Variants in URI1 observed in about 807,000 individuals in gnomAD.
URI1 encodes URI1 prefoldin like chaperone, also known as unconventional prefoldin RPB5 interactor 1.
Under a neutral mutation model 60.2 loss-of-function variants are expected in URI1, and 39 were observed. That is an observed-to-expected ratio of 0.65 (90% CI 0.50 to 0.85). URI1 has a LOEUF of 0.85. Ranked by LOEUF, URI1 falls within the 40% of genes least tolerant of loss-of-function variation. The pLI, the probability that URI1 is intolerant of heterozygous loss-of-function variation, is 0.00. For missense variants in URI1, 691 were observed against 665.9 expected, an observed-to-expected ratio of 1.04 and a Z score of -0.42; for synonymous variants, 251 against 236.8, an observed-to-expected ratio of 1.06 and a Z score of -0.55.
At position 29,994,422 on chromosome 19, in the gene URI1, C is replaced by A. The variant is rs560226551; in HGVS notation, c.367+8005C>A. Reference sequence around the variant, plus strand: ...CTGTACCAGTTAGGTGATAACTCCCCATTTTTTCCTTCCTCCCCCCATCCC... The same window carrying A: ...CTGTACCAGTTAGGTGATAACTCCCAATTTTTTCCTTCCTCCCCCCATCCC... On this transcript the variant is annotated intron_variant, in intron 4 of 10. Coordinates refer to ENST00000392271, the MANE Select transcript of URI1 (RefSeq NM_003796.3). 2.6e-5 allele frequency among the ~76,000 whole-genome samples: 4 copies of A among 152,088 alleles called. No homozygotes were observed. The East Asian group carries it at 7.7e-4, about 29-fold the overall frequency.
rs1237982024 is a variant in URI1 at position 30,007,632 on chromosome 19, T to A, written c.680T>A (p.Leu227His). 6.2e-7 allele frequency: 1 copy of A among 1,604,734 alleles called. No individual in the cohort carries two copies. The highest frequency in any genetic ancestry group is 1.7e-5 in the Admixed American group (1 of 58,216). ...AGACAGGAAGAATTGCTGGGTGAAC[T>A]TGATAGGTACTTGATGACAAATTAT... is the stretch of plus-strand genomic sequence containing the variant. ...LERQEELLGE[L>H]DSKPDTVIAN... is the part of the protein sequence containing the mutation. Residue 227 changes from leucine to histidine, a missense_variant, in exon 7 of 11, where the codon CTT becomes CAT. Leu to His is a moderately conservative substitution (Grantham distance 99). Coordinates refer to ENST00000392271, the MANE Select transcript of URI1 (RefSeq NM_003796.3).
intron 1 of URI1, among the ~76,000 whole-genome samples, chr19:29,958,264 C>T (rs1252528895): frequency 1.3e-5 from 2 of 151,878 alleles, no homozygotes; most frequent in African/African-American, 4.8e-5. Flanking sequence ...GGGCTAGAAC[C>T]TTTAATATAA....
intron 1 of URI1, 47 bp downstream of exon 1, chr19:29,942,711 C>T (rs117820971): frequency 0.054 from 72,987 of 1,354,620 alleles, 2,893 homozygotes; most frequent in East Asian, 0.18. Context: ...GCCGGGCTGC[C>T]CCTGCCTGTG....
chr19:29,972,523 A>G (rs1244134771), intron 2 of URI1, among the ~76,000 whole-genome samples: 2 of 152,102 alleles, frequency 1.3e-5, no homozygotes, highest in Non-Finnish European at 2.9e-5. Flanking sequence ...TTAGAAAGGT[A>G]TTCACTGGAA....
At chr19:29,995,661 T>C (rs1388604647) in intron 4 of URI1, among the ~76,000 whole-genome samples, 4 of 152,122 alleles carry the variant, frequency 2.6e-5, no homozygotes, top group African/African-American at 7.2e-5. Context: ...TTTTTGTTTT[T>C]GCCTATGCTT....
rs2056031743 is a variant in URI1, at chr19:30,012,343, C to T, written c.1237C>T (p.Arg413Ter). The T allele has an allele frequency of 1.2e-6, 2 of 1,614,076 alleles. No individual in the cohort carries two copies. The highest frequency in any genetic ancestry group is 1.1e-5 in the South Asian group (1 of 91,074). Reference sequence around the variant, plus strand: ...CCCTCGCAAATCCATCCTGAAGTCTCGAAGTAGAGAGAATAGTGTGTGTAG... The same window carrying T: ...CCCTCGCAAATCCATCCTGAAGTCTTGAAGTAGAGAGAATAGTGTGTGTAG... ...YVPRKSILKS[R>*]SRENSVCSDT... The change falls in exon 10 of 11, where the codon CGA becomes TGA. Residue 413 changes from arginine to a stop codon, truncating the protein, a stop_gained. Coordinates refer to ENST00000392271, the MANE Select transcript of URI1 (RefSeq NM_003796.3). LOFTEE classifies it high-confidence loss of function.
At chr19:30,011,388 C>T (rs570498289) in intron 9 of URI1, 152 bp downstream of exon 9, 4 of 1,002,558 alleles carry the variant, frequency 4.0e-6, no homozygotes, top group East Asian at 3.2e-5. Flanking sequence ...GATAGGCTGA[C>T]CGGCTGTAGC....
Position 29,980,585 on chromosome 19 carries a change from A to G in URI1, c.153-4638A>G, listed in dbSNP as rs184044173. On this transcript the variant is annotated intron_variant, in intron 2 of 10. Coordinates refer to ENST00000392271, the MANE Select transcript of URI1 (RefSeq NM_003796.3). ...CTGTTTAGGATGTTAGGTAGAGGAA[A>G]AGAGAGTGATAGAAGATTTTTTTTC... Among the ~76,000 whole-genome samples the G allele has an allele frequency of 9.0e-4, 128 of 142,614 alleles. 3 individuals carry two copies. The highest frequency in any genetic ancestry group is 3.3e-3 in the African/African-American group (127 of 38,808). The allele number at this position is 142,614 out of a possible 152,430, so 93.6% of individuals were successfully genotyped here.
Position 29,942,284 on chromosome 19 carries a change from C to G in URI1, c.-264C>G, listed in dbSNP as rs1163089089. ...CACGCGACGCCTGGCTGGGCCCGCACCGGAGAGGCGTCTCGGTACCTGGCA... is the reference window on the plus strand; with the variant it reads ...CACGCGACGCCTGGCTGGGCCCGCAGCGGAGAGGCGTCTCGGTACCTGGCA... On this transcript the variant is annotated 5_prime_UTR_variant, in exon 1 of 11. Transcript: ENST00000392271. 5.1e-6 allele frequency: 5 copies of G among 985,028 alleles called. No individual in the cohort carries two copies. In the African/African-American group the frequency reaches 7.0e-5, roughly 14 times the overall value. 61.0% of individuals were successfully genotyped at this position (985,028 alleles called of 1,614,324 possible). A position where few individuals can be genotyped will look rare whatever the true frequency, so the allele number is the denominator to read the frequency against.
chr19:29,982,646 T>C (rs956671983), intron 2 of URI1, among the ~76,000 whole-genome samples: 1 of 152,222 alleles, frequency 6.6e-6, no homozygotes. Flanking sequence ...ATTCTCCCAT[T>C]GATTGCTCAC....
chr19:30,006,655 A>G (rs559039662), intron 6 of URI1, among the ~76,000 whole-genome samples: 23 of 152,266 alleles, frequency 1.5e-4, no homozygotes, highest in Admixed American at 2.6e-4. Context: ...GTATGCAACA[A>G]TGCAGCAAAT....
At chr19:29,927,559 G>GTTTTTTTT (rs1172546783) in intron 1 of URI1, among the ~76,000 whole-genome samples, 2 of 86,496 alleles carry the variant, frequency 2.3e-5, no homozygotes, top group African/African-American at 1.2e-4. Context: ...ACTGCACCCG[G>GTTTTTTTT]CTTTTTTTTT....
intron 1 of URI1, among the ~76,000 whole-genome samples, chr19:29,949,150 G>T (rs1319950701): frequency 6.6e-6 from 1 of 151,388 alleles, no homozygotes; most frequent in Non-Finnish European, 1.5e-5. Flanking sequence ...TCACCTCCCA[G>T]ATGGGGCGGC....
chr19:29,992,666 A>AG (rs2055761602), intron 4 of URI1, among the ~76,000 whole-genome samples: 1 of 152,196 alleles, frequency 6.6e-6, no homozygotes, highest in African/African-American at 2.4e-5. Context: ...TTTTACTCTA[A>AG]ATACTTGCTT....
intron 2 of URI1, among the ~76,000 whole-genome samples, chr19:29,980,888 C>T (rs2055588247): frequency 7.4e-6 from 1 of 134,832 alleles, no homozygotes; most frequent in African/African-American, 2.8e-5. Flanking sequence ...CGCCACGGCA[C>T]TCCAGGCTGG....
intron 1 of URI1, among the ~76,000 whole-genome samples, chr19:29,931,378 C>T (rs572580524): frequency 3.9e-5 from 6 of 152,296 alleles, no homozygotes; most frequent in African/African-American, 1.4e-4. Context: ...CTGGCTTGTC[C>T]ATGACCACCT....
At chr19:29,968,949 A>AGAACT (rs2055424895) in intron 1 of URI1, among the ~76,000 whole-genome samples, 1 of 152,100 alleles carries the variant, frequency 6.6e-6, no homozygotes, top group Non-Finnish European at 1.5e-5. Flanking sequence ...TAAATATAAT[A>AGAACT]GAACTGCTTG....
chr19:29,984,301 C>T (rs573395973), intron 2 of URI1, among the ~76,000 whole-genome samples: 2 of 152,040 alleles, frequency 1.3e-5, no homozygotes, highest in Non-Finnish European at 2.9e-5. Context: ...TGGTGTCATG[C>T]GTCTGTAGTC....
At chr19:29,963,027 C>G (rs934799435) in intron 1 of URI1, among the ~76,000 whole-genome samples, 2 of 152,178 alleles carry the variant, frequency 1.3e-5, no homozygotes, top group Non-Finnish European at 2.9e-5. Flanking sequence ...CCTCCGCCTA[C>G]CCCCAGCTGC....
Sources: gnomAD v4.1 joint callset for allele counts (sites outside exome capture counted in the v4.1 genomes callset) on GRCh38, gnomAD v4.1.1 for gene constraint, MANE v1.5 for transcripts, NCBI Gene and HGNC (gene_info 2026-07-23, HGNC 2026-07-21) for gene names.